CSMD1: variants seen among roughly 807,000 people sequenced by gnomAD.
The protein encoded by CSMD1 is CUB and sushi domain-containing protein 1.
Under a neutral mutation model 417.5 loss-of-function variants are expected in CSMD1, and 213 were observed. That is an observed-to-expected ratio of 0.51 (90% confidence interval 0.46 to 0.57). The LOEUF (loss-of-function observed/expected upper bound fraction) is 0.57, where lower values mean the gene tolerates loss of function less well. Ranked by LOEUF, CSMD1 falls within the 20% of genes least tolerant of loss-of-function variation. The probability of loss-of-function intolerance (pLI) is 0.00; values close to 1 mark genes in which losing one functional copy is unlikely to be tolerated. For synonymous variants in CSMD1, 2,862 were observed against 1,736.8 expected, an observed-to-expected ratio of 1.65 and a Z score of -16.11; for missense variants, 6,923 against 4,529.7, an observed-to-expected ratio of 1.53 and a Z score of -15.17.
rs1563218222 is a variant in CSMD1, at chr8:3,926,098, C to CACACACACAAACACCAT, written c.818+71804_818+71805insATGGTGTTTGTGTGTGT. On this transcript the variant is annotated intron_variant, in intron 5 of 69. Transcript: ENST00000635120. ...CAAACACCATACACACACACACACA[C>CACACACACAAACACCAT]ACACACACACACACACACACACACA... Among the ~76,000 whole-genome samples the CACACACACAAACACCAT allele has an allele frequency of 4.9e-4, 40 of 81,972 alleles. 2 individuals carry two copies. The highest frequency in any genetic ancestry group is 1.9e-3 in the African/African-American group (36 of 19,086). The allele number at this position is 81,972 out of a possible 152,430, so 53.8% of individuals were successfully genotyped here.
At chr8:4,648,590 T>C (rs1167776478) in intron 1 of CSMD1, among the ~76,000 whole-genome samples, 1 of 152,226 alleles carries the variant, frequency 6.6e-6, no homozygotes, top group Non-Finnish European at 1.5e-5. Context: ...ATGTGATTTT[T>C]TTTTGCACAG....
Position 4,531,142 on chromosome 8 carries a change from G to T in CSMD1, c.302+106200C>A, listed in dbSNP as rs188689445. Among the ~76,000 whole-genome samples the T allele has an allele frequency of 1.2e-4, 19 of 152,276 alleles. No individual in the cohort carries two copies. The East Asian group carries it at 2.7e-3, about 22-fold the overall frequency. On this transcript the variant is annotated intron_variant, in intron 2 of 69. Transcript: ENST00000635120. ...ACAGATATGTAACTTAACTGTGTGA[G>T]TAGGACATTTTTTGTAGGATCTGTC... is the stretch of plus-strand genomic sequence containing the variant.
At chr8:4,855,533 G>A (rs1028689447) in intron 1 of CSMD1, among the ~76,000 whole-genome samples, 10 of 152,018 alleles carry the variant, frequency 6.6e-5, no homozygotes, top group Non-Finnish European at 1.3e-4. Context: ...TTAGAAGAAT[G>A]TATAACTAGA....
In CSMD1 at chr8:3,964,924, T is replaced by A. The variant is rs555337244; in HGVS notation, c.818+32979A>T. Among the ~76,000 whole-genome samples, 14 of 152,326 alleles carry A rather than the reference T, an allele frequency of 9.2e-5. No homozygotes were observed. In the South Asian group the frequency reaches 2.9e-3, roughly 32 times the overall value. ...TTCAATACAATTAAGTTCTTAAATA[T>A]TTGTCTTCATTTTGGGGGTTTATCC... On this transcript the variant is annotated intron_variant, in intron 5 of 69. Transcript: ENST00000635120.
chr8:4,450,837 G>C (rs569876471), intron 2 of CSMD1, among the ~76,000 whole-genome samples: 6 of 152,266 alleles, frequency 3.9e-5, no homozygotes, highest in Middle Eastern at 3.4e-3. Context: ...TTGTGAGTAA[G>C]GGTGGTGGAT....
intron 3 of CSMD1, among the ~76,000 whole-genome samples, chr8:4,337,313 A>G (rs1800228247): frequency 6.6e-6 from 1 of 152,108 alleles, no homozygotes; most frequent in Non-Finnish European, 1.5e-5. Flanking sequence ...CATGAAGATC[A>G]AAATTTCTCC....
chr8:4,636,237 CCTT>C (rs1211055300), intron 2 of CSMD1, among the ~76,000 whole-genome samples: 1 of 151,952 alleles, frequency 6.6e-6, no homozygotes, highest in Non-Finnish European at 1.5e-5. Flanking sequence ...AAGGGATATT[CCTT>C]CTTCCTTTGC....
intron 3 of CSMD1, among the ~76,000 whole-genome samples, chr8:4,166,963 C>G (rs1222997368): frequency 2.0e-5 from 3 of 152,178 alleles, no homozygotes; most frequent in Non-Finnish European, 4.4e-5. Context: ...ACAGCACATG[C>G]TGAAGGCACT....
intron 1 of CSMD1, among the ~76,000 whole-genome samples, chr8:4,939,611 A>G (rs1807847190): frequency 6.6e-6 from 1 of 151,420 alleles, no homozygotes. Flanking sequence ...AATGAAGCCG[A>G]GAGTAGAACG....
chr8:3,926,968 C>T (rs538385308), intron 5 of CSMD1, among the ~76,000 whole-genome samples: 1 of 152,046 alleles, frequency 6.6e-6, no homozygotes, highest in Admixed American at 6.6e-5. Flanking sequence ...CCCACCTCGG[C>T]CTCCCAAAGT....
intron 3 of CSMD1, among the ~76,000 whole-genome samples, chr8:4,133,940 C>G (rs1166954066): frequency 1.3e-5 from 2 of 152,088 alleles, no homozygotes; most frequent in Non-Finnish European, 2.9e-5. Flanking sequence ...TTGATGTTTT[C>G]TTTTTCAGGT....
At chr8:4,736,678 G>T (rs75575210) in intron 1 of CSMD1, among the ~76,000 whole-genome samples, 39 of 152,154 alleles carry the variant, frequency 2.6e-4, no homozygotes, top group African/African-American at 8.0e-4. Context: ...CTTTTGAGAA[G>T]ATAAATCGCA....
chr8:3,645,787 C>G (rs1233675572), intron 7 of CSMD1, among the ~76,000 whole-genome samples: 1 of 152,160 alleles, frequency 6.6e-6, no homozygotes, highest in Non-Finnish European at 1.5e-5. Flanking sequence ...AAACAGAAAA[C>G]ATACCAAAAC....
At chr8:3,539,031 C>T (rs2117554001) in intron 10 of CSMD1, among the ~76,000 whole-genome samples, 1 of 152,206 alleles carries the variant, frequency 6.6e-6, no homozygotes, top group East Asian at 1.9e-4. Flanking sequence ...ATTAGGACAG[C>T]CTGAAACACC....
chr8:3,453,622 T>C (rs973206681), intron 12 of CSMD1, among the ~76,000 whole-genome samples: 8 of 152,244 alleles, frequency 5.3e-5, no homozygotes, highest in South Asian at 2.1e-4. Context: ...CTGAGTAGTT[T>C]TGAGAGACTT....
At chr8:3,487,336 G>A (rs1404290327) in intron 11 of CSMD1, among the ~76,000 whole-genome samples, 1 of 152,040 alleles carries the variant, frequency 6.6e-6, no homozygotes, top group Non-Finnish European at 1.5e-5. Flanking sequence ...CAAGTAGATG[G>A]GACTACAGGC....
chr8:3,284,411 A>G (rs759829827), intron 25 of CSMD1, 65 bp from the exon 26 acceptor site: 469 of 1,249,618 alleles, frequency 3.8e-4, no homozygotes, highest in Non-Finnish European at 4.3e-4. Flanking sequence ...CCATAGCTGT[A>G]AAGTAAGCAA....
At chr8:3,704,194 C>A (rs573939586) in intron 7 of CSMD1, among the ~76,000 whole-genome samples, 1 of 152,108 alleles carries the variant, frequency 6.6e-6, no homozygotes, top group Non-Finnish European at 1.5e-5. Context: ...GAGATGCAGC[C>A]GGCCTGAAAA....
chr8:4,169,374 C>A, intron 3 of CSMD1, among the ~76,000 whole-genome samples: 1 of 152,078 alleles, frequency 6.6e-6, no homozygotes, highest in East Asian at 1.9e-4. Flanking sequence ...TTTCCACTTC[C>A]TCAGGCCAAA....
Sources: allele counts gnomAD v4.1 joint callset (sites outside exome capture counted in the v4.1 genomes callset), GRCh38; gene constraint gnomAD v4.1.1; transcripts MANE v1.5; gene names NCBI Gene and HGNC (gene_info 2026-07-23, HGNC 2026-07-21).